Variants in DLG2 observed in about 807,000 individuals in gnomAD.
The protein encoded by DLG2 is disks large homolog 2.
Under a neutral mutation model 132.5 loss-of-function variants are expected in DLG2, and 45 were observed. That is an observed-to-expected ratio of 0.34 (90% CI 0.27 to 0.44). The LOEUF is 0.44. Ranked by LOEUF, DLG2 falls within the 20% of genes least tolerant of loss-of-function variation. DLG2 has a pLI of 1.00. For missense variants in DLG2, 1,045 were observed against 1,196.9 expected, an observed-to-expected ratio of 0.87 and a Z score of 1.87; for synonymous variants, 424 against 419.6, an observed-to-expected ratio of 1.01 and a Z score of -0.13.
chr11:84,890,288 C>A (rs1302061261), intron 6 of DLG2, among the ~76,000 whole-genome samples: 3 of 152,116 alleles, frequency 2.0e-5, no homozygotes, highest in Admixed American at 2.0e-4. Context: ...GTTCCCTTCT[C>A]TTGTGCTGTA....
intron 8 of DLG2, among the ~76,000 whole-genome samples, chr11:84,241,285 T>C (rs1186312447): frequency 7.2e-5 from 11 of 152,212 alleles, no homozygotes; most frequent in Admixed American, 1.3e-4. Flanking sequence ...TTCTTTGTGC[T>C]TCATGAAGTT....
intron 8 of DLG2, among the ~76,000 whole-genome samples, chr11:84,168,339 T>C (rs532318693): frequency 3.3e-5 from 5 of 152,364 alleles, no homozygotes; most frequent in African/African-American, 1.2e-4. Context: ...GTAGAGAATA[T>C]GACAGACGAT....
At chr11:83,593,579 G>A (rs1405169244) in intron 19 of DLG2, among the ~76,000 whole-genome samples, 1 of 150,776 alleles carries the variant, frequency 6.6e-6, no homozygotes, top group Non-Finnish European at 1.5e-5. Context: ...CACCAGCATG[G>A]CACATGTATA....
chr11:83,977,609 G>C (rs1243295076), intron 12 of DLG2, among the ~76,000 whole-genome samples: 1 of 152,064 alleles, frequency 6.6e-6, no homozygotes, highest in African/African-American at 2.4e-5. Context: ...ATACAAGACA[G>C]TCTAAGATCT....
intron 18 of DLG2, among the ~76,000 whole-genome samples, chr11:83,708,165 TTA>T (rs1447854159): frequency 6.6e-6 from 1 of 152,212 alleles, no homozygotes; most frequent in Non-Finnish European, 1.5e-5. Context: ...TATTCTGTGT[TTA>T]AGTTATATTT....
chr11:84,139,297 G>A (rs983489510), intron 9 of DLG2, among the ~76,000 whole-genome samples: 1 of 152,028 alleles, frequency 6.6e-6, no homozygotes, highest in African/African-American at 2.4e-5. Flanking sequence ...ACCACAGTAG[G>A]CATTCAATGC....
chr11:84,377,221 C>T lies in DLG2; in HGVS notation c.520-125930G>A, dbSNP rs183344262. Among the ~76,000 whole-genome samples, 186 of 151,804 alleles carry T rather than the reference C, an allele frequency of 1.2e-3. 1 individual carries two copies. The highest frequency in any genetic ancestry group is 4.2e-3 in the African/African-American group (176 of 41,466). ...ATAGAAAATATGAAGAATAGAAAAA[C>T]ATTTTATACACCAAAAGAAAACAAT... On this transcript the variant is annotated intron_variant, in intron 7 of 27. Coordinates refer to ENST00000376104, the MANE Select transcript of DLG2 (RefSeq NM_001142699.3).
intron 10 of DLG2, among the ~76,000 whole-genome samples, chr11:84,061,049 C>G (rs570998061): frequency 7.2e-5 from 11 of 152,324 alleles, no homozygotes; most frequent in Non-Finnish European, 2.9e-5. Flanking sequence ...TTGCATTCCC[C>G]ACTTCCTCCT....
At chr11:83,686,382 C>T (rs1294628164) in intron 18 of DLG2, among the ~76,000 whole-genome samples, 1 of 151,416 alleles carries the variant, frequency 6.6e-6, no homozygotes, top group Non-Finnish European at 1.5e-5. Context: ...TCTGCTTAAA[C>T]ATTATATACT....
intron 6 of DLG2, among the ~76,000 whole-genome samples, chr11:84,941,697 CTT>C (rs550984313): frequency 1.1e-4 from 15 of 141,520 alleles, no homozygotes; most frequent in Non-Finnish European, 6.2e-5. Context: ...CTTTCTTTCT[CTT>C]TTTTTTTTTT....
intron 19 of DLG2, among the ~76,000 whole-genome samples, chr11:83,578,457 G>C (rs2096918138): frequency 6.6e-6 from 1 of 151,974 alleles, no homozygotes; most frequent in African/African-American, 2.4e-5. Context: ...CAATTAAAAG[G>C]CAGCAACTGT....
intron 3 of DLG2, among the ~76,000 whole-genome samples, chr11:85,355,156 C>T (rs1490293636): frequency 6.6e-6 from 1 of 151,958 alleles, no homozygotes; most frequent in Non-Finnish European, 1.5e-5. Context: ...GTGCTCAGCA[C>T]AAGAAGATGA....
intron 6 of DLG2, among the ~76,000 whole-genome samples, chr11:84,584,878 CGG>C (rs1194634592): frequency 6.6e-6 from 1 of 151,122 alleles, no homozygotes; most frequent in Non-Finnish European, 1.5e-5. Flanking sequence ...TTAGTAGAGA[CGG>C]GGTTTCACCG....
intron 3 of DLG2, among the ~76,000 whole-genome samples, chr11:85,455,303 T>C (rs201526704): frequency 6.6e-6 from 1 of 152,154 alleles, no homozygotes; most frequent in Non-Finnish European, 1.5e-5. Flanking sequence ...CGGGATTGTG[T>C]TCCTGATTTG....
intron 7 of DLG2, among the ~76,000 whole-genome samples, chr11:84,323,068 A>G (rs894036114): frequency 6.6e-6 from 1 of 152,030 alleles, no homozygotes; most frequent in African/African-American, 2.4e-5. Flanking sequence ...AAAACATAAG[A>G]TCTACTCTCT....
chr11:84,912,670 C>A (rs991565809), intron 6 of DLG2, among the ~76,000 whole-genome samples: 1 of 152,232 alleles, frequency 6.6e-6, no homozygotes, highest in African/African-American at 2.4e-5. Flanking sequence ...TCAACCCAGG[C>A]TTTCTACCAA....
intron 6 of DLG2, among the ~76,000 whole-genome samples, chr11:84,656,482 A>G (rs1356479254): frequency 1.3e-5 from 2 of 152,192 alleles, no homozygotes; most frequent in African/African-American, 4.8e-5. Context: ...ATGTAGTGGA[A>G]GAGAAATATA....
intron 3 of DLG2, among the ~76,000 whole-genome samples, chr11:85,474,197 T>A (rs545419255): frequency 2.3e-4 from 35 of 152,126 alleles, no homozygotes; most frequent in African/African-American, 7.2e-4. Flanking sequence ...AAGATCATTA[T>A]TGATAAAGAA....
chr11:83,699,936 T>C (rs932770378), intron 18 of DLG2, among the ~76,000 whole-genome samples: 27 of 101,256 alleles, frequency 2.7e-4, no homozygotes, highest in African/African-American at 1.2e-3. Context: ...CCACCACACA[T>C]GCACACACAC....
Sources: allele counts gnomAD v4.1 joint callset (sites outside exome capture counted in the v4.1 genomes callset), GRCh38; gene constraint gnomAD v4.1.1; transcripts MANE v1.5; gene names NCBI Gene and HGNC (gene_info 2026-07-23, HGNC 2026-07-21).